The following CFB variants were observed in gnomAD, a reference collection of about 807,000 sequenced individuals.
CFB encodes the protein B-factor, properdin.
CFB carries 59 observed loss-of-function variants against 97.2 expected under a neutral mutation model. The observed-to-expected ratio is 0.61, with a 90% CI of 0.49 to 0.75. The LOEUF (loss-of-function observed/expected upper bound fraction) is 0.75. CFB is among the 30% of genes least tolerant of loss of function. The pLI is 0.00. For synonymous variants in CFB, 316 were observed against 351.7 expected (o/e 0.90, Z 1.14); for missense variants, 771 against 959.8 (o/e 0.80, Z 2.60).
chr6:31,946,322 G>A lies in CFB; in HGVS notation c.64+37G>A. 1 of 1,612,966 alleles carries A rather than the reference G, an allele frequency of 6.2e-7. No homozygotes were observed. The highest frequency in any genetic ancestry group is 1.7e-5 in the Admixed American group (1 of 60,016). On this transcript the variant is annotated intron_variant, in intron 1 of 17. Coordinates refer to ENST00000425368, the MANE Select transcript of CFB (RefSeq NM_001710.6). The surrounding 1 kb of genome is among the most constrained non-coding windows in gnomAD (Gnocchi z 6.4). ...TAACCTTCCCTTCCTGCTGTCTCCA[G>A]CATCCCTCCTTGGCCTTTTGGGGCC...
chr6:31,947,217 A>G lies in CFB; in HGVS notation c.484+25A>G, dbSNP rs1771486276. The G allele has an allele frequency of 1.2e-6, 2 of 1,612,094 alleles. No homozygotes were observed. Among genetic ancestry groups the G allele is most frequent in the Non-Finnish European group, 1.7e-6 (2 of 1,179,812 alleles). On this transcript the variant is annotated intron_variant, in intron 3 of 17. Coordinates refer to ENST00000425368, the MANE Select transcript of CFB (RefSeq NM_001710.6). This position sits in a 1 kb window ranked among gnomAD's most constrained non-coding sequence, Gnocchi z 5.3. ...GGTGAGAAGCATCCCCTCCCCCTAC[A>G]TTGCTGTCTCCCTGACGGCGCCCAG...
In CFB at chr6:31,951,026, T is replaced by C. The variant is rs1228736738; in HGVS notation, c.1855+82T>C. 1.3e-6 allele frequency: 2 copies of C among 1,577,724 alleles called. No individual in the cohort carries two copies. The highest frequency in any genetic ancestry group is 1.7e-6 in the Non-Finnish European group (2 of 1,149,406). ...GAGAGGGAGGTGCAATAGGAAGAGA[T>C]GATGCCTGGCCCAGAACCTAGCTCT... On this transcript the variant is annotated intron_variant, in intron 14 of 17. Coordinates refer to ENST00000425368, the MANE Select transcript of CFB (RefSeq NM_001710.6). This position sits in a 1 kb window ranked among gnomAD's most constrained non-coding sequence, Gnocchi z 4.3.
At position 31,951,122 on chromosome 6, in the gene CFB, G is replaced by A; in HGVS notation, c.1856-22G>A. On this transcript the variant is annotated intron_variant, in intron 14 of 17. Transcript: ENST00000425368. This position sits in a 1 kb window ranked among gnomAD's most constrained non-coding sequence, Gnocchi z 4.3. Reference sequence around the variant, plus strand: ...GATGACAGTGGTGGGAGCAGCTGAAGTGACGCAGTCTATTCGTCCAGAGGA... The same window carrying A: ...GATGACAGTGGTGGGAGCAGCTGAAATGACGCAGTCTATTCGTCCAGAGGA... 1.2e-6 allele frequency: 2 copies of A among 1,610,446 alleles called. No individual in the cohort carries two copies. The highest frequency in any genetic ancestry group is 1.7e-6 in the Non-Finnish European group (2 of 1,177,860).
In CFB at chr6:31,950,635, C is replaced by G. The variant is rs999669276; in HGVS notation, c.1641C>G (p.Asp547Glu). ...CTACTTCAGGAGGGGAGAAGCGGGA[C>G]CTGGAGATAGAAGTAGTCCTATTTC... ...IKVSVGGEKR[D>E]LEIEVVLFHP... The change falls in exon 13 of 18, where the codon GAC (aspartate) becomes GAG (glutamate). Residue 547 changes from aspartate to glutamate, a missense_variant. By Grantham distance (45) the Asp-to-Glu change is conservative. Transcript: ENST00000425368. 4 of 1,612,880 alleles carry G rather than the reference C, an allele frequency of 2.5e-6. No individual in the cohort carries two copies. The Admixed American group carries it at 5.0e-5, about 20-fold the overall frequency.
At chr6:31,950,582 T>G (rs371630862) in intron 12 of CFB, 37 bp from the exon 13 acceptor site, 2 of 1,612,676 alleles carry the variant, frequency 1.2e-6, no homozygotes, top group Non-Finnish European at 1.7e-6. Context: ...GGCAGGAAGC[T>G]GCCCACAAAG....
chr6:31,949,121 TA>T, intron 8 of CFB, 121 bp from the exon 9 acceptor site: 1 of 1,429,176 alleles, frequency 7.0e-7, no homozygotes, highest in Non-Finnish European at 9.7e-7. Flanking sequence ...GAATTCTTCC[TA>T]AGCCCTGTGA....
Position 31,946,692 on chromosome 6 carries a change from G to C in CFB, c.298+86G>C, listed in dbSNP as rs759626736. 4.7e-5 allele frequency: 61 copies of C among 1,297,658 alleles called. No homozygotes were observed. The highest frequency in any genetic ancestry group is 6.2e-5 in the Non-Finnish European group (57 of 922,104). The allele number at this position is 1,297,658 out of a possible 1,614,324, so 80.4% of individuals were successfully genotyped here. On this transcript the variant is annotated intron_variant, in intron 2 of 17. Transcript: ENST00000425368. The surrounding 1 kb of genome is among the most constrained non-coding windows in gnomAD (Gnocchi z 6.4). ...GTCAGGACTAGGATGAGACTAGGCA[G>C]GGTGACAAGGTGGGCTGACCGGGAG... is the stretch of plus-strand genomic sequence containing the variant.
At position 31,946,819 on chromosome 6, in the gene CFB, A is replaced by C. The variant is rs889239203; in HGVS notation, c.299-188A>C. 1.0e-5 allele frequency: 8 copies of C among 791,420 alleles called. No individual in the cohort carries two copies. The African/African-American group carries it at 1.4e-4, about 14-fold the overall frequency. 49.0% of individuals were successfully genotyped at this position (791,420 alleles called of 1,614,324 possible). ...GGCTTCCAGGCAGCCCTGGAAGTCA[A>C]GAGAACACTCAGAAATGGGGAGGGA... On this transcript the variant is annotated intron_variant, in intron 2 of 17. Transcript: ENST00000425368. This position sits in a 1 kb window ranked among gnomAD's most constrained non-coding sequence, Gnocchi z 6.4.
intron 10 of CFB, chr6:31,949,785 A>C (rs1771640749): frequency 2.8e-6 from 2 of 702,760 alleles, no homozygotes; most frequent in South Asian, 1.9e-5. Flanking sequence ...TGACACGTGG[A>C]AACAGAAGCC....
rs1771731319 is a variant in CFB at position 31,951,087 on chromosome 6, G to A, written c.1856-57G>A. 2 of 1,592,288 alleles carry A rather than the reference G, an allele frequency of 1.3e-6. No individual in the cohort carries two copies. The highest frequency in any genetic ancestry group is 2.2e-5 in the East Asian group (1 of 44,766). On this transcript the variant is annotated intron_variant, in intron 14 of 17. Coordinates refer to ENST00000425368, the MANE Select transcript of CFB (RefSeq NM_001710.6). This position sits in a 1 kb window ranked among gnomAD's most constrained non-coding sequence, Gnocchi z 4.3. ...AGGGGACATCTACTGAGTGACAAAG[G>A]CAATGGGGAGATGACAGTGGTGGGA...
Position 31,947,607 on chromosome 6 carries a change from A to T in CFB, c.658+86A>T. ...CCCACCTCAACCCTGCTCTTTCCTC[A>T]CTTTGTTTAAACCTCCCTGTACAAC... On this transcript the variant is annotated intron_variant, in intron 4 of 17. Transcript: ENST00000425368. This position sits in a 1 kb window ranked among gnomAD's most constrained non-coding sequence, Gnocchi z 5.3. 1.3e-6 allele frequency: 2 copies of T among 1,595,462 alleles called. No individual in the cohort carries two copies. The highest frequency in any genetic ancestry group is 1.7e-6 in the Non-Finnish European group (2 of 1,164,964).
At position 31,947,099 on chromosome 6, in the gene CFB, T is replaced by C. The variant is rs1771473142; in HGVS notation, c.391T>C (p.Cys131Arg). 5 of 1,612,992 alleles carry C rather than the reference T, an allele frequency of 3.1e-6. No individual in the cohort carries two copies. The highest frequency in any genetic ancestry group is 4.2e-6 in the Non-Finnish European group (5 of 1,180,008). The change falls in exon 3 of 18, where the codon TGC becomes CGC. Residue 131 changes from cysteine (C) to arginine (R), a missense_variant. Coordinates refer to ENST00000425368, the MANE Select transcript of CFB (RefSeq NM_001710.6). The surrounding 1 kb of genome is among the most constrained non-coding windows in gnomAD (Gnocchi z 5.3). ...TGTGAGTGATGAGATCTCTTTCCAC[T>C]GCTATGACGGTTACACTCTCCGGGG... Reference protein sequence around the residue: ...YNVSDEISFHCYDGYTLRGSA... With the variant: ...YNVSDEISFHRYDGYTLRGSA...
In CFB at chr6:31,950,301, C is replaced by A. The variant is rs1378554389; in HGVS notation, c.1522C>A (p.His508Asn). 1 of 1,612,912 alleles carries A rather than the reference C, an allele frequency of 6.2e-7. No individual in the cohort carries two copies. The highest frequency in any genetic ancestry group is 1.3e-5 in the African/African-American group (1 of 74,912). The change falls in exon 12 of 18, where the codon CAC (histidine) becomes AAC (asparagine). Residue 508 changes from histidine to asparagine, a missense_variant. His to Asn is a moderately conservative substitution (Grantham distance 68, BLOSUM62 1). Coordinates refer to ENST00000425368, the MANE Select transcript of CFB (RefSeq NM_001710.6). ...KISVIRPSKG[H>N]ESCMGAVVSE... ...GTGTCCCCAGCGCCCTTCAAAGGGA[C>A]ACGAGAGCTGTATGGGGGCTGTGGT... is the stretch of plus-strand genomic sequence containing the variant.
In CFB at chr6:31,951,593, C is replaced by T. The variant is rs931717199; in HGVS notation, c.2128C>T (p.Arg710Cys). 3 of 1,614,176 alleles carry T rather than the reference C, an allele frequency of 1.9e-6. No homozygotes were observed. Among genetic ancestry groups the T allele is most frequent in the Admixed American group, 1.7e-5 (1 of 60,012 alleles). Residue 710 changes from arginine to cysteine, a missense_variant, in exon 17 of 18, where the codon CGT (arginine) becomes TGT (cysteine). Physicochemically the swap from Arg to Cys is radical, Grantham distance 180. Transcript: ENST00000425368. The surrounding 1 kb of genome is among the most constrained non-coding windows in gnomAD (Gnocchi z 4.3). The part of the protein sequence containing the change: ...GGPLIVHKRS[R>C]FIQVGVISWG... Reference sequence around the variant, plus strand: ...CCCCTTGATAGTTCACAAGAGAAGTCGTTTCATTCAAGTGAGTCCTCCCTT... The same window carrying T: ...CCCCTTGATAGTTCACAAGAGAAGTTGTTTCATTCAAGTGAGTCCTCCCTT...
Position 31,947,909 on chromosome 6 carries a change from T to A in CFB, c.761-36T>A. 1 of 1,614,122 alleles carries A rather than the reference T, an allele frequency of 6.2e-7. No individual in the cohort carries two copies. On this transcript the variant is annotated intron_variant, in intron 5 of 17. Coordinates refer to ENST00000425368, the MANE Select transcript of CFB (RefSeq NM_001710.6). This position sits in a 1 kb window ranked among gnomAD's most constrained non-coding sequence, Gnocchi z 5.3. ...GAAAATGGAGAAGGGACAGAACTGTTAATGCTGGAGCCTGAGCCACTCTCC... is the reference window on the plus strand; with the variant it reads ...GAAAATGGAGAAGGGACAGAACTGTAAATGCTGGAGCCTGAGCCACTCTCC...
chr6:31,949,657 C>A, intron 10 of CFB, 100 bp downstream of exon 10: 5 of 1,412,900 alleles, frequency 3.5e-6, no homozygotes, highest in Non-Finnish European at 4.9e-6. Flanking sequence ...CCTGGAAAGC[C>A]TTCTTCATTC....
At chr6:31,949,707 C>A in intron 10 of CFB, 150 bp downstream of exon 10, 2 of 964,520 alleles carry the variant, frequency 2.1e-6, no homozygotes, top group Non-Finnish European at 3.2e-6. Flanking sequence ...TGTTTCCTGG[C>A]ACTGTTCACT....
At position 31,946,217 on chromosome 6, in the gene CFB, A is replaced by G. The variant is rs561556943; in HGVS notation, c.-5A>G. On this transcript the variant is annotated 5_prime_UTR_variant, in exon 1 of 18. Transcript: ENST00000425368. The surrounding 1 kb of genome is among the most constrained non-coding windows in gnomAD (Gnocchi z 6.4). ...GGCCCAGCTTCTCTCCTGCCTTCCA[A>G]CGCCATGGGGAGCAATCTCAGCCCC... 1 of 1,613,038 alleles carries G rather than the reference A, an allele frequency of 6.2e-7. No homozygotes were observed. Among genetic ancestry groups the G allele is most frequent in the South Asian group, 1.1e-5 (1 of 91,086 alleles).
chr6:31,947,555 T>C lies in CFB; in HGVS notation c.658+34T>C. 1 of 1,612,320 alleles carries C rather than the reference T, an allele frequency of 6.2e-7. No individual in the cohort carries two copies. Among genetic ancestry groups the C allele is most frequent in the Non-Finnish European group, 8.5e-7 (1 of 1,179,626 alleles). ...TGACCTGTACCCCCAGGTCAGATCC[T>C]GGTCTTCCATCCTACTGTCTTCTCT... On this transcript the variant is annotated intron_variant, in intron 4 of 17. Transcript: ENST00000425368. This position sits in a 1 kb window ranked among gnomAD's most constrained non-coding sequence, Gnocchi z 5.3.
Sources: gnomAD v4.1 joint callset for allele counts on GRCh38, gnomAD v4.1.1 for gene constraint, Gnocchi (gnomAD v3.1) non-coding constraint, MANE v1.5 for transcripts, NCBI Gene and HGNC (gene_info 2026-07-23, HGNC 2026-07-21) for gene names.